The following SPTA1 variants were observed in gnomAD, a reference collection of about 807,000 sequenced individuals.
The protein encoded by SPTA1 is spectrin alpha chain, erythrocytic 1.
Under a neutral mutation model 324.7 loss-of-function variants are expected in SPTA1, and 177 were observed. The ratio of observed to expected loss-of-function variants is 0.55; its 90% confidence interval spans 0.48 to 0.62. The LOEUF (loss-of-function observed/expected upper bound fraction) is 0.62. Ranked by LOEUF, SPTA1 falls within the 20% of genes least tolerant of loss-of-function variation. The pLI, the probability that SPTA1 is intolerant of heterozygous loss-of-function variation, is 0.00. For missense variants in SPTA1, 3,162 were observed against 2,883.6 expected (o/e 1.10, Z -2.21); for synonymous variants, 1,195 against 1,041.3 (o/e 1.15, Z -2.84).
chr1:158,660,518 A>G (rs1438323503), intron 18 of SPTA1, among the ~76,000 whole-genome samples: 1 of 152,052 alleles, frequency 6.6e-6, no homozygotes, highest in Admixed American at 6.5e-5. Flanking sequence ...TTCAAAATAT[A>G]AGAAACAAAA....
intron 12 of SPTA1, 57 bp from the exon 13 acceptor site, chr1:158,669,843 G>C (rs1653885966): frequency 6.4e-7 from 1 of 1,563,330 alleles, no homozygotes; most frequent in Non-Finnish European, 8.8e-7. Flanking sequence ...TGAGTAAGTG[G>C]CCATAGTTTG....
At chr1:158,616,172 A>T (rs1470161922) in intron 47 of SPTA1, among the ~76,000 whole-genome samples, 1 of 152,152 alleles carries the variant, frequency 6.6e-6, no homozygotes, top group African/African-American at 2.4e-5. Context: ...AATTTAATAC[A>T]TTCATATAAT....
chr1:158,639,276 C>T, intron 35 of SPTA1: 6 of 322,104 alleles, frequency 1.9e-5, no homozygotes, highest in East Asian at 6.9e-5. Context: ...TTTCAAATAC[C>T]AGATCAAATA....
At chr1:158,657,136 G>T (rs1249491933) in intron 19 of SPTA1, among the ~76,000 whole-genome samples, 1 of 152,058 alleles carries the variant, frequency 6.6e-6, no homozygotes, top group East Asian at 1.9e-4. Flanking sequence ...AAGTAATTAA[G>T]GTGTCTCTAT....
chr1:158,645,366 T>A lies in SPTA1; in HGVS notation c.4016A>T (p.Glu1339Val), dbSNP rs753945737. The A allele has an allele frequency of 6.2e-7, 1 of 1,613,972 alleles. No individual in the cohort carries two copies. The highest frequency in any genetic ancestry group is 8.5e-7 in the Non-Finnish European group (1 of 1,179,936). The part of the protein sequence containing the change: ...ERHQEHRADM[E>V]AEAPTFQALE... ...GGCCTGGAAGGTGGGAGCCTCTGCC[T>A]CCATGTCAGCACGGTGCTCCTGTGG... The change falls in exon 29 of 52, where the codon GAG (glutamate) becomes GTG (valine). Residue 1339 changes from glutamate (E) to valine (V), a missense_variant. Physicochemically the swap from Glu to Val is moderately radical, Grantham distance 121 (BLOSUM62 -2). Transcript: ENST00000643759.
intron 29 of SPTA1, 134 bp downstream of exon 29, chr1:158,645,054 G>A: frequency 1.1e-6 from 1 of 915,572 alleles, no homozygotes; most frequent in Non-Finnish European, 1.8e-6. Context: ...TACAATGCTA[G>A]GTAATTAAGA....
At chr1:158,669,998 A>AAATAACCTG (rs1268447273) in intron 12 of SPTA1, among the ~76,000 whole-genome samples, 4 of 152,192 alleles carry the variant, frequency 2.6e-5, no homozygotes, top group Non-Finnish European at 4.4e-5. Context: ...CTGTACCACA[A>AAATAACCTG]TATTTTTTAA....
chr1:158,654,143 C>T (rs934654224), intron 21 of SPTA1, among the ~76,000 whole-genome samples: 1 of 152,046 alleles, frequency 6.6e-6, no homozygotes, highest in Non-Finnish European at 1.5e-5. Context: ...ATTTAAAAAT[C>T]TCAACCAATA....
At chr1:158,647,469 ATCT>A in intron 27 of SPTA1, 67 bp downstream of exon 27, 2 of 1,592,662 alleles carry the variant, frequency 1.3e-6, no homozygotes, top group South Asian at 2.2e-5. Context: ...AGTGAACAGC[ATCT>A]GTACCCAGAC....
Position 158,683,539 on chromosome 1 carries a change from C to T in SPTA1, c.265-43G>A, listed in dbSNP as rs375707660. The T allele has an allele frequency of 1.4e-4, 223 of 1,610,630 alleles. 1 individual carries two copies. Among genetic ancestry groups the T allele is most frequent in the Non-Finnish European group, 1.8e-4 (209 of 1,178,354 alleles). ...GAGTTTTTGTCTAATGAAGCACAGT[C>T]TTCATGGGAAATGTTCACTCTATGT... On this transcript the variant is annotated intron_variant, in intron 2 of 51. Transcript: ENST00000643759.
At chr1:158,621,003 TC>T (rs1344080323) in intron 43 of SPTA1, among the ~76,000 whole-genome samples, 1 of 152,118 alleles carries the variant, frequency 6.6e-6, no homozygotes, top group African/African-American at 2.4e-5. Flanking sequence ...TTTCCTACCT[TC>T]CTTTTAAACC....
intron 35 of SPTA1, 59 bp downstream of exon 35, chr1:158,639,523 G>A: frequency 6.4e-7 from 1 of 1,554,912 alleles, no homozygotes; most frequent in Non-Finnish European, 8.9e-7. Context: ...ACATGGGAGG[G>A]AGAAGAGCCA....
chr1:158,627,238 A>G (rs1293515445), intron 40 of SPTA1, among the ~76,000 whole-genome samples: 1 of 152,176 alleles, frequency 6.6e-6, no homozygotes, highest in Admixed American at 6.5e-5. Context: ...AAAAGGAATG[A>G]TTCTCAAATT....
intron 16 of SPTA1, among the ~76,000 whole-genome samples, chr1:158,664,192 G>A (rs1349330582): frequency 6.6e-6 from 1 of 152,062 alleles, no homozygotes; most frequent in African/African-American, 2.4e-5. Flanking sequence ...ATACCCAAAG[G>A]ATTATAAATC....
intron 2 of SPTA1, among the ~76,000 whole-genome samples, chr1:158,684,102 A>G (rs1655006684): frequency 6.6e-6 from 1 of 151,952 alleles, no homozygotes; most frequent in Non-Finnish European, 1.5e-5. Flanking sequence ...GAAGAAAAAA[A>G]AAAAACTCTG....
In SPTA1 at chr1:158,652,576, T is replaced by C. The variant is rs749368676; in HGVS notation, c.3266A>G (p.Tyr1089Cys). 3.1e-6 allele frequency: 5 copies of C among 1,613,970 alleles called. No individual in the cohort carries two copies. Among genetic ancestry groups the C allele is most frequent in the Admixed American group, 1.7e-5 (1 of 59,996 alleles). Residue 1089 changes from tyrosine to cysteine, a missense_variant, in exon 23 of 52, where the codon TAT (tyrosine) becomes TGT (cysteine). By Grantham distance (194) the Tyr-to-Cys change is radical. Coordinates refer to ENST00000643759, the MANE Select transcript of SPTA1 (RefSeq NM_003126.4). The part of the protein sequence containing the change: ...LQRYNEFLLA[Y>C]EAGDMLEWIQ... ...CCATTCCAGCATGTCTCCTGCCTCA[T>C]AGGCCAATAAAAATTCATTATAACG...
At chr1:158,623,471 C>T (rs775221528) in intron 42 of SPTA1, among the ~76,000 whole-genome samples, 51 of 152,090 alleles carry the variant, frequency 3.4e-4, no homozygotes, top group Non-Finnish European at 6.9e-4. Context: ...TTGTAGTTCC[C>T]ATAGTCCCCA....
chr1:158,660,774 G>C (rs1333093278), intron 18 of SPTA1, among the ~76,000 whole-genome samples: 2 of 152,134 alleles, frequency 1.3e-5, no homozygotes, highest in Non-Finnish European at 2.9e-5. Context: ...GGCTTATGAT[G>C]TTCAAAACTG....
intron 23 of SPTA1, among the ~76,000 whole-genome samples, chr1:158,651,948 C>A (rs1375048713): frequency 6.6e-6 from 1 of 150,860 alleles, no homozygotes; most frequent in Non-Finnish European, 1.5e-5. Context: ...TTAAATCCCA[C>A]GTGGAAGATA....
Sources: allele counts gnomAD v4.1 joint callset (sites outside exome capture counted in the v4.1 genomes callset), GRCh38; gene constraint gnomAD v4.1.1; transcripts MANE v1.5; gene names NCBI Gene and HGNC (gene_info 2026-07-23, HGNC 2026-07-21).